NGEF: variants seen among roughly 807,000 people sequenced by gnomAD.
NGEF encodes neuronal guanine nucleotide exchange factor, also known as ephexin-1.
In NGEF, 31 loss-of-function variants were observed where a neutral mutation model predicts 80.9. That is an observed-to-expected ratio of 0.38 (90% CI 0.29 to 0.52). The LOEUF (loss-of-function observed/expected upper bound fraction) is 0.52. NGEF is among the 20% of genes least tolerant of loss of function. NGEF has a pLI of 0.84. For synonymous variants in NGEF, 371 were observed against 370.2 expected, an observed-to-expected ratio of 1.00 and a Z score of -0.03; for missense variants, 709 against 926.2, an observed-to-expected ratio of 0.77 and a Z score of 3.04.
intron 1 of NGEF, among the ~76,000 whole-genome samples, chr2:232,988,819 G>C (rs529819891): frequency 1.3e-5 from 2 of 152,258 alleles, no homozygotes; most frequent in African/African-American, 4.8e-5. Context: ...AGATGATGCA[G>C]TTGTAAAAGC....
At position 232,879,613 on chromosome 2, in the gene NGEF, T is replaced by G; in HGVS notation, c.2009A>C (p.Glu670Ala). The change falls in exon 15 of 15, where the codon GAG becomes GCG. Residue 670 changes from glutamate to alanine, a missense_variant. Around this residue, in one of 2 missense-constraint regions of NGEF, gnomAD observed 426 missense variants for 622.9 expected, o/e 0.68. Transcript: ENST00000264051. ...GGACCGGATCTTGGGATTCAAGATC[T>G]CCTCAGTCATGGAGCTGGGGAACCA... ...RGWFPSSMTEEILNPKIRSQN... is the reference protein window; with the variant it reads ...RGWFPSSMTEAILNPKIRSQN... 6.2e-7 allele frequency: 1 copy of G among 1,613,628 alleles called. No individual in the cohort carries two copies. The highest frequency in any genetic ancestry group is 8.5e-7 in the Non-Finnish European group (1 of 1,179,960).
At chr2:232,970,431 G>A in intron 2 of NGEF, 103 bp from the exon 3 acceptor site, 1 of 740,548 alleles carries the variant, frequency 1.4e-6, no homozygotes, top group East Asian at 3.1e-5. Context: ...GCTGGAAGGT[G>A]GAGGAAGCAG....
chr2:232,895,749 G>A (rs1404490380), intron 5 of NGEF, among the ~76,000 whole-genome samples: 2 of 152,112 alleles, frequency 1.3e-5, no homozygotes, highest in African/African-American at 4.8e-5. Flanking sequence ...CTTTTGAATC[G>A]CCTGATAATT....
chr2:232,885,999 G>A lies in NGEF; in HGVS notation c.1348-630C>T, dbSNP rs115442039. 3.9e-3 allele frequency among the ~76,000 whole-genome samples: 600 copies of A among 152,364 alleles called. 6 individuals carry two copies. Among genetic ancestry groups the A allele is most frequent in the African/African-American group, 0.013 (530 of 41,588 alleles). ...GCAGATACGCAAGAACAGAAATCCA[G>A]GAAAGAGGCAGGGACTCCACCTGCA... On this transcript the variant is annotated intron_variant, in intron 9 of 14. Coordinates refer to ENST00000264051, the MANE Select transcript of NGEF (RefSeq NM_019850.3).
At chr2:232,926,963 T>A (rs1268972161) in intron 4 of NGEF, 81 bp downstream of exon 4, 9 of 1,556,136 alleles carry the variant, frequency 5.8e-6, no homozygotes, top group African/African-American at 1.4e-5. Flanking sequence ...CACAACGGCA[T>A]CCCATGAGCA....
rs768192879 is a variant in NGEF, at chr2:232,974,754, T to C, written c.137A>G (p.Gln46Arg). The C allele has an allele frequency of 6.8e-6, 11 of 1,614,148 alleles. No individual in the cohort carries two copies. The Admixed American group carries it at 1.0e-4, about 15-fold the overall frequency. The change falls in exon 2 of 15, where the codon CAG becomes CGG. Residue 46 changes from glutamine to arginine, a missense_variant. Physicochemically the swap from Gln to Arg is conservative, Grantham distance 43 (BLOSUM62 1). Coordinates refer to ENST00000264051, the MANE Select transcript of NGEF (RefSeq NM_019850.3). The part of the protein sequence containing the change: ...PEKEETSQAD[Q>R]DIQDKEPHCH... Reference sequence around the variant, plus strand: ...ATGAGGCTCTTTGTCTTGGATATCCTGGTCAGCTTGAGAAGTCTCCTCTTT... The same window carrying C: ...ATGAGGCTCTTTGTCTTGGATATCCCGGTCAGCTTGAGAAGTCTCCTCTTT...
In NGEF at chr2:232,951,523, C is replaced by T. The variant is rs556214351; in HGVS notation, c.383+18691G>A. Among the ~76,000 whole-genome samples the T allele has an allele frequency of 2.8e-4, 42 of 152,232 alleles. No individual in the cohort carries two copies. In the South Asian group the frequency reaches 8.7e-3, roughly 32 times the overall value. On this transcript the variant is annotated intron_variant, in intron 3 of 14. Transcript: ENST00000264051. ...ATGCTATTATTCTACACTGTGGAGT[C>T]GAGGTCCTAATTTGGAGGTTTTACA...
intron 10 of NGEF, 27 bp from the exon 11 acceptor site, chr2:232,884,171 G>T (rs1691600701): frequency 1.3e-6 from 2 of 1,556,132 alleles, no homozygotes; most frequent in Non-Finnish European, 1.7e-6. Flanking sequence ...GCATCAGGCA[G>T]GCTGTGCCCA....
At chr2:233,009,890 C>T (rs1262083762) in intron 1 of NGEF, among the ~76,000 whole-genome samples, 11 of 152,274 alleles carry the variant, frequency 7.2e-5, no homozygotes, top group African/African-American at 2.6e-4. Context: ...TCCCTCCACT[C>T]CACCTGTCCT....
At position 232,891,380 on chromosome 2, in the gene NGEF, G is replaced by A; in HGVS notation, c.1250C>T (p.Thr417Ile). Residue 417 changes from threonine to isoleucine, a missense_variant, in exon 8 of 15, where the codon ACA (threonine) becomes ATA (isoleucine). Around this residue, in one of 2 missense-constraint regions of NGEF, gnomAD observed 426 missense variants for 622.9 expected, o/e 0.68. Transcript: ENST00000264051. ...TACCTGGACCAACAGCTTGAGGCGT[G>A]TGATCCTCTGGAAAGGCAGGATGAG... ...SFLILPFQRI[T>I]RLKLLVQNIL... The A allele has an allele frequency of 1.2e-6, 2 of 1,613,684 alleles. No individual in the cohort carries two copies. Among genetic ancestry groups the A allele is most frequent in the Non-Finnish European group, 1.7e-6 (2 of 1,179,968 alleles).
intron 1 of NGEF, among the ~76,000 whole-genome samples, chr2:232,983,338 C>CGGTT (rs1694475668): frequency 6.6e-6 from 1 of 151,946 alleles, no homozygotes; most frequent in East Asian, 1.9e-4. Context: ...AGAGGAGGGT[C>CGGTT]CCCGAGCGGT....
Position 232,893,027 on chromosome 2 carries a change from C to A in NGEF, c.1013G>T (p.Arg338Leu), listed in dbSNP as rs749285120. ...AGAGATGACGATGTTCTCCTCCATC[C>A]GGTGCTCCAGCTCCAGGAGGAACCT... The part of the protein sequence containing the change: ...SERFLLELEH[R>L]MEENIVISDV... The change falls in exon 7 of 15, where the codon CGG becomes CTG. Residue 338 changes from arginine to leucine, a missense_variant. This residue lies in a region of NGEF where 426 missense variants were observed against 622.9 expected (regional missense o/e 0.68). Coordinates refer to ENST00000264051, the MANE Select transcript of NGEF (RefSeq NM_019850.3). 4 of 1,612,798 alleles carry A rather than the reference C, an allele frequency of 2.5e-6. No individual in the cohort carries two copies. Among genetic ancestry groups the A allele is most frequent in the Non-Finnish European group, 3.4e-6 (4 of 1,179,688 alleles).
At chr2:232,988,036 C>CCTCT (rs1553558805) in intron 1 of NGEF, among the ~76,000 whole-genome samples, 1 of 140,266 alleles carries the variant, frequency 7.1e-6, no homozygotes, top group Non-Finnish European at 1.6e-5. Context: ...GGGATGGTCT[C>CCTCT]GTGTGTGTGT....
intron 6 of NGEF, 109 bp from the exon 7 acceptor site, chr2:232,893,159 G>A: frequency 1.8e-6 from 2 of 1,109,040 alleles, no homozygotes; most frequent in South Asian, 3.0e-5. Context: ...ATAGCAGTGT[G>A]CACGGTGAGC....
chr2:232,899,735 C>T (rs1035912927), intron 5 of NGEF, among the ~76,000 whole-genome samples: 1 of 150,488 alleles, frequency 6.6e-6, no homozygotes, highest in Non-Finnish European at 1.5e-5. Flanking sequence ...TACACGTTCA[C>T]TCACATTCAC....
rs1691927417 is a variant in NGEF, at chr2:232,892,874, G to C, written c.1142+24C>G. ...GCCCCGGGCACCTCCCCCTGCCCCTGAGCCCCTTGCCGGATACACTCACAG... is the reference window on the plus strand; with the variant it reads ...GCCCCGGGCACCTCCCCCTGCCCCTCAGCCCCTTGCCGGATACACTCACAG... On this transcript the variant is annotated intron_variant, in intron 7 of 14. Coordinates refer to ENST00000264051, the MANE Select transcript of NGEF (RefSeq NM_019850.3). This position sits in a 1 kb window ranked among gnomAD's most constrained non-coding sequence, Gnocchi z 4.0. 1 of 1,608,916 alleles carries C rather than the reference G, an allele frequency of 6.2e-7. No homozygotes were observed. The highest frequency in any genetic ancestry group is 8.5e-7 in the Non-Finnish European group (1 of 1,177,092).
chr2:232,978,333 T>C (rs1054890756), intron 1 of NGEF, among the ~76,000 whole-genome samples: 3 of 151,504 alleles, frequency 2.0e-5, no homozygotes, highest in African/African-American at 7.3e-5. Flanking sequence ...GCCAACATGG[T>C]GAAAACCAGT....
chr2:232,954,948 G>A (rs1352588923), intron 3 of NGEF, among the ~76,000 whole-genome samples: 2 of 151,930 alleles, frequency 1.3e-5, no homozygotes, highest in Non-Finnish European at 2.9e-5. Flanking sequence ...GGTCACGCAC[G>A]TTGGGGGCCG....
chr2:232,902,907 T>A, intron 5 of NGEF, among the ~76,000 whole-genome samples: 1 of 152,176 alleles, frequency 6.6e-6, no homozygotes, highest in East Asian at 1.9e-4. Flanking sequence ...GGTGGAAGAA[T>A]CACTTGAACC....
Sources: allele counts gnomAD v4.1 joint callset (sites outside exome capture counted in the v4.1 genomes callset), GRCh38; gene constraint gnomAD v4.1.1; regional missense constraint gnomAD v4.1.1; non-coding constraint Gnocchi (gnomAD v3.1); transcripts MANE v1.5; gene names NCBI Gene and HGNC (gene_info 2026-07-23, HGNC 2026-07-21).